FASN: variants seen among roughly 807,000 people sequenced by gnomAD.
FASN encodes the protein 3-hydroxyacyl-[acyl-carrier-protein] dehydratase.
Under a neutral mutation model 250.0 loss-of-function variants are expected in FASN, and 50 were observed. The observed-to-expected ratio is 0.20, with a 90% CI of 0.16 to 0.25. The LOEUF is 0.25. FASN is among the 10% of genes least tolerant of loss of function. The pLI, the probability that FASN is intolerant of heterozygous loss-of-function variation, is 1.00. For synonymous variants in FASN, 1,909 were observed against 1,584.0 expected (o/e 1.21, Z -4.87); for missense variants, 3,031 against 3,498.5 (o/e 0.87, Z 3.37).
intron 39 of FASN, 49 bp downstream of exon 39, chr17:82,080,643 C>T (rs1282358249): frequency 8.4e-6 from 13 of 1,552,296 alleles, no homozygotes; most frequent in Admixed American, 2.0e-5. Flanking sequence ...CCACGGGCCC[C>T]GTGATGGCCA....
chr17:82,082,724 TC>T (rs2034012988), intron 33 of FASN, 46 bp from the exon 34 acceptor site: 8 of 1,599,630 alleles, frequency 5.0e-6, no homozygotes, highest in Non-Finnish European at 6.8e-6. Flanking sequence ...GGGTACGGTC[TC>T]TTCCCTACAC....
chr17:82,084,030 G>A lies in FASN; in HGVS notation c.5043C>T (p.Gly1681=), dbSNP rs2034041258. ...LLIHSGSGGV[G]QAAIAIALSL... ...TGAGGGCGATGGCGATGGCGGCCTG[G>A]CCCACGCCGCCCGAGCCCGAGTGGA... Residue 1681 remains glycine, a synonymous_variant, in exon 29 of 43, where the codon GGC becomes GGT. Coordinates refer to ENST00000306749, the MANE Select transcript of FASN (RefSeq NM_004104.5). 2 of 1,540,526 alleles carry A rather than the reference G, an allele frequency of 1.3e-6. No individual in the cohort carries two copies. The highest frequency in any genetic ancestry group is 8.7e-7 in the Non-Finnish European group (1 of 1,145,662).
intron 41 of FASN, 155 bp from the exon 42 acceptor site, chr17:82,079,763 A>C: frequency 9.4e-7 from 1 of 1,063,476 alleles, no homozygotes; most frequent in Non-Finnish European, 1.3e-6. Context: ...CGCAACCTCC[A>C]CCTACCCGGT....
intron 33 of FASN, 58 bp downstream of exon 33, chr17:82,082,856 C>A: frequency 6.3e-7 from 1 of 1,597,022 alleles, no homozygotes; most frequent in African/African-American, 1.3e-5. Flanking sequence ...GAGAAGGGCT[C>A]AGGGGCCCGG....
At chr17:82,088,583 G>A (rs1451873587) in intron 15 of FASN, 21 bp from the exon 16 acceptor site, 1 of 1,600,884 alleles carries the variant, frequency 6.2e-7, no homozygotes, top group Non-Finnish European at 8.5e-7. Context: ...GGGAGGCATG[G>A]GTAGCACACC....
intron 22 of FASN, 91 bp downstream of exon 22, chr17:82,086,163 C>G: frequency 6.5e-7 from 1 of 1,529,326 alleles, no homozygotes; most frequent in Non-Finnish European, 8.7e-7. Flanking sequence ...GCCCAGGGCC[C>G]GCCCCGTGTC....
chr17:82,081,848 G>A lies in FASN; in HGVS notation c.6164-5C>T, dbSNP rs17848958. 1.2e-6 allele frequency: 2 copies of A among 1,601,196 alleles called. No individual in the cohort carries two copies. Among genetic ancestry groups the A allele is most frequent in the Non-Finnish European group, 1.7e-6 (2 of 1,176,620 alleles). ...CGCCCCACTGCACGGCCAGGCCTGT[G>A]GGGGAGGGGGCAGGTGGGCAGAGCT... On this transcript the variant is annotated splice_region_variant and splice_polypyrimidine_tract_variant and intron_variant, in intron 36 of 42. Transcript: ENST00000306749.
chr17:82,082,865 G>A (rs778151787), intron 33 of FASN, 49 bp downstream of exon 33: 14 of 1,602,180 alleles, frequency 8.7e-6, no homozygotes, highest in African/African-American at 1.3e-5. Flanking sequence ...TCAGGGGCCC[G>A]GGGCTGTGCC....
intron 21 of FASN, 63 bp downstream of exon 21, chr17:82,086,987 T>G: frequency 6.3e-7 from 1 of 1,575,926 alleles, no homozygotes. Flanking sequence ...GGGGTCAACG[T>G]GAGGGGAGGC....
At position 82,082,028 on chromosome 17, in the gene FASN, G is replaced by T; in HGVS notation, c.6144C>A (p.Arg2048=). 6.2e-7 allele frequency: 1 copy of T among 1,609,522 alleles called. No homozygotes were observed. ...NSAMERICEK[R]RHEGLPGLAV... ...GCCCACCTGGGAGGCCTTCGTGCCG[G>T]CGTTTCTCACAGATACGCTCCATGG... The change falls in exon 36 of 43, where the codon CGC becomes CGA. Residue 2048 remains arginine, a synonymous_variant. Coordinates refer to ENST00000306749, the MANE Select transcript of FASN (RefSeq NM_004104.5).
At position 82,087,250 on chromosome 17, in the gene FASN, G is replaced by A. The variant is rs754514615; in HGVS notation, c.3227C>T (p.Ala1076Val). Residue 1076 changes from alanine to valine, a missense_variant, in exon 21 of 43, where the codon GCT (alanine) becomes GTT (valine). Ala to Val is a moderately conservative substitution (Grantham distance 64). Coordinates refer to ENST00000306749, the MANE Select transcript of FASN (RefSeq NM_004104.5). ...LYTLQDKAQV[A>V]DVVVSRWLRV... is the part of the protein sequence containing the mutation. ...CAGCCACCTGCTCACCACCACGTCA[G>A]CCACTGTGGGGACAGGCTGGGTGAG... 4.9e-5 allele frequency: 79 copies of A among 1,606,774 alleles called. 1 individual carries two copies. Among genetic ancestry groups the A allele is most frequent in the South Asian group, 1.1e-4 (10 of 90,248 alleles).
In FASN at chr17:82,089,189, G is replaced by T. The variant is rs1037446979; in HGVS notation, c.2101-17C>A. ...CCGGATCACCTGCATGAGGGGCCAGGTCAGTGCTGGGTTGTGGGTCCCCTG... is the reference window on the plus strand; with the variant it reads ...CCGGATCACCTGCATGAGGGGCCAGTTCAGTGCTGGGTTGTGGGTCCCCTG... On this transcript the variant is annotated splice_polypyrimidine_tract_variant and intron_variant, in intron 13 of 42. Coordinates refer to ENST00000306749, the MANE Select transcript of FASN (RefSeq NM_004104.5). The T allele has an allele frequency of 6.3e-7, 1 of 1,596,086 alleles. No homozygotes were observed. The highest frequency in any genetic ancestry group is 8.5e-7 in the Non-Finnish European group (1 of 1,171,882).
intron 38 of FASN, 88 bp downstream of exon 38, chr17:82,081,076 T>G (rs4246444): frequency 0.72 from 1,068,244 of 1,475,934 alleles, 390,728 homozygotes; most frequent in African/African-American, 0.79. Flanking sequence ...CGAAGGGCGG[T>G]ATGCCTGCCG....
chr17:82,083,821 G>T lies in FASN; in HGVS notation c.5169C>A (p.Ser1723=). The T allele has an allele frequency of 1.2e-6, 2 of 1,606,924 alleles. No individual in the cohort carries two copies. Among genetic ancestry groups the T allele is most frequent in the Non-Finnish European group, 1.7e-6 (2 of 1,177,726 alleles). The change falls in exon 30 of 43, where the codon TCC becomes TCA. Residue 1723 remains serine (S), a synonymous_variant. Transcript: ENST00000306749. ...CATGCTGCTCGAAGGATGTGTCCCG[G>T]GAGTTGGCGAAGCTGGTGCTGTCGA... ...PQLDSTSFAN[S]RDTSFEQHVL... is the part of the protein sequence containing the mutation.
At chr17:82,088,697 C>T (rs986507144) in intron 15 of FASN, 64 bp downstream of exon 15, 23 of 1,535,644 alleles carry the variant, frequency 1.5e-5, no homozygotes, top group African/African-American at 8.2e-5. Context: ...CCCGCAGCCC[C>T]GCTCACCCAC....
At chr17:82,095,568 A>G (rs897347191) in intron 2 of FASN, 96 bp from the exon 3 acceptor site, 10 of 1,448,362 alleles carry the variant, frequency 6.9e-6, no homozygotes, top group Admixed American at 1.8e-5. Flanking sequence ...CCATGGTGGA[A>G]CTGAGGACTC....
chr17:82,087,848 C>T lies in FASN; in HGVS notation c.2880G>A (p.Gln960=). The T allele has an allele frequency of 6.2e-7, 1 of 1,612,644 alleles. No individual in the cohort carries two copies. The highest frequency in any genetic ancestry group is 1.1e-5 in the South Asian group (1 of 91,090). The change falls in exon 19 of 43, where the codon CAG becomes CAA. Residue 960 remains glutamine (Q), a synonymous_variant. Transcript: ENST00000306749. ...GNLVVSGKVY[Q]WDDPDPRLFD... is the part of the protein sequence containing the mutation. Reference sequence around the variant, plus strand: ...AGAGCCTGGGGTCAGGGTCATCCCACTGGTACACCTTCCCTGTGGAAAGGG... The same window carrying T: ...AGAGCCTGGGGTCAGGGTCATCCCATTGGTACACCTTCCCTGTGGAAAGGG...
intron 3 of FASN, 101 bp downstream of exon 3, chr17:82,095,219 T>C (rs999270622): frequency 2.1e-6 from 3 of 1,403,034 alleles, no homozygotes; most frequent in Middle Eastern, 1.7e-4. Flanking sequence ...GGGTAGGTGG[T>C]GCCAGCACCT....
In FASN at chr17:82,085,561, A is replaced by G. The variant is rs766588417; in HGVS notation, c.4043T>C (p.Leu1348Pro). The G allele has an allele frequency of 1.9e-6, 3 of 1,595,984 alleles. No homozygotes were observed. The highest frequency in any genetic ancestry group is 1.3e-5 in the African/African-American group (1 of 74,660). The change falls in exon 23 of 43, where the codon CTC becomes CCC. Residue 1348 changes from leucine (L) to proline (P), a missense_variant. Physicochemically the swap from Leu to Pro is moderately conservative, Grantham distance 98 (BLOSUM62 -3). Transcript: ENST00000306749. ...GATGTCCCCGAGGGGGTGCCCCCGG[A>G]GCAGTGTGTGCAGGAGCAGAAAGCC... Reference protein sequence around the residue: ...EGGFLLLHTLLRGHPLGDIVA... With the variant: ...EGGFLLLHTLPRGHPLGDIVA...
Sources: gnomAD v4.1 joint callset for allele counts on GRCh38, gnomAD v4.1.1 for gene constraint, MANE v1.5 for transcripts, NCBI Gene and HGNC (gene_info 2026-07-23, HGNC 2026-07-21) for gene names.